VDAC1: variants seen among roughly 807,000 people sequenced by gnomAD.
VDAC1 encodes the protein voltage dependent anion channel 1.
VDAC1 carries 10 observed loss-of-function variants against 34.7 expected under a neutral mutation model. That is an observed-to-expected ratio of 0.29 (90% CI 0.18 to 0.49). VDAC1 has a LOEUF of 0.49. Among genes scored for constraint, VDAC1 ranks in the 20% least tolerant of loss-of-function variants. VDAC1 has a pLI of 0.99. For missense variants in VDAC1, 230 were observed against 347.9 expected (o/e 0.66, Z 2.69); for synonymous variants, 130 against 136.0 (o/e 0.96, Z 0.30).
the VDAC1 span, among the ~76,000 whole-genome samples, chr5:134,027,135 AG>A: frequency 1.2e-4 from 19 of 152,332 alleles, no homozygotes; most frequent in East Asian, 3.7e-3. Flanking sequence ...CGCCCTATAA[AG>A]AAATGTCTAG....
chr5:134,046,884 A>G, the VDAC1 span, among the ~76,000 whole-genome samples: 4 of 152,168 alleles, frequency 2.6e-5, no homozygotes, highest in Non-Finnish European at 4.4e-5. Flanking sequence ...TCATCTGTAA[A>G]GTGGAGACAA....
the VDAC1 span, among the ~76,000 whole-genome samples, chr5:134,101,764 C>T: frequency 5.5e-3 from 838 of 152,342 alleles, 10 homozygotes; most frequent in African/African-American, 0.019. Flanking sequence ...CCATCCCTCA[C>T]TGGGGTCCTC....
intron 6 of VDAC1, among the ~76,000 whole-genome samples, chr5:133,979,424 C>CTTTATTTTTTTTTTTTTTTT: frequency 1.2e-5 from 1 of 80,992 alleles, no homozygotes; most frequent in Non-Finnish European, 2.1e-5. Context: ...ATTTTCTTTG[C>CTTTATTTTTTTTTTTTTTTT]TTTTTTTTTT....
At chr5:134,067,206 G>A in the VDAC1 span, among the ~76,000 whole-genome samples, 1 of 151,474 alleles carries the variant, frequency 6.6e-6, no homozygotes, top group Non-Finnish European at 1.5e-5. Context: ...CTCCCGAGGA[G>A]CTGGGATTAC....
chr5:133,988,624 C>T (rs776726504), intron 5 of VDAC1, among the ~76,000 whole-genome samples: 25 of 151,950 alleles, frequency 1.6e-4, no homozygotes, highest in Non-Finnish European at 3.5e-4. Flanking sequence ...ATTAGCCAGG[C>T]ATGGTGGCCC....
chr5:134,097,764 G>T, the VDAC1 span, among the ~76,000 whole-genome samples: 1 of 152,344 alleles, frequency 6.6e-6, no homozygotes, highest in Admixed American at 6.5e-5. Context: ...GGAGCCAGAC[G>T]TCTAATTTTG....
In VDAC1 at chr5:133,973,773, C is replaced by A; in HGVS notation, c.760+18G>T. ...TTTTTAAGATAAAGAACCGATTTCA[C>A]ACACAAGCAACACATACCTGGCTTT... On this transcript the variant is annotated intron_variant, in intron 8 of 8. Coordinates refer to ENST00000265333, the MANE Select transcript of VDAC1 (RefSeq NM_003374.3). The A allele has an allele frequency of 6.2e-7, 1 of 1,605,100 alleles. No individual in the cohort carries two copies. Among genetic ancestry groups the A allele is most frequent in the Non-Finnish European group, 8.5e-7 (1 of 1,178,306 alleles).
At chr5:134,045,804 C>G in the VDAC1 span, among the ~76,000 whole-genome samples, 1 of 151,758 alleles carries the variant, frequency 6.6e-6, no homozygotes, top group South Asian at 2.1e-4. Context: ...CCTGCCTCAG[C>G]CTCCCGAGTA....
At chr5:134,004,521 C>T (rs3733936) in intron 1 of VDAC1, 13,237 of 153,316 alleles carry the variant, frequency 0.086, 810 homozygotes, top group South Asian at 0.21. Flanking sequence ...GCGATCCCTC[C>T]CCGCGGCCGG....
the VDAC1 span, among the ~76,000 whole-genome samples, chr5:134,028,705 A>G: frequency 6.6e-6 from 1 of 152,148 alleles, no homozygotes; most frequent in Non-Finnish European, 1.5e-5. Flanking sequence ...CACAGTGGGA[A>G]GGGACCTTGC....
the VDAC1 span, among the ~76,000 whole-genome samples, chr5:134,076,287 C>T: frequency 6.6e-6 from 1 of 152,166 alleles, no homozygotes; most frequent in Non-Finnish European, 1.5e-5. Context: ...CCCTCTCTCA[C>T]CTTGATAACT....
At chr5:133,994,288 G>C (rs1753212357) in intron 1 of VDAC1, among the ~76,000 whole-genome samples, 1 of 152,200 alleles carries the variant, frequency 6.6e-6, no homozygotes, top group Non-Finnish European at 1.5e-5. Context: ...ATTTTAAATT[G>C]TGAAGTTGTG....
the VDAC1 span, among the ~76,000 whole-genome samples, chr5:134,033,118 T>C: frequency 6.7e-6 from 1 of 150,262 alleles, no homozygotes; most frequent in Non-Finnish European, 1.5e-5. Flanking sequence ...AAAATATACA[T>C]GTATATGCTC....
chr5:134,051,053 G>A, the VDAC1 span, among the ~76,000 whole-genome samples: 10 of 152,314 alleles, frequency 6.6e-5, no homozygotes, highest in South Asian at 1.4e-3. Context: ...CACCTGGCCC[G>A]GGGAACCAGT....
chr5:134,103,141 A>G, the VDAC1 span, among the ~76,000 whole-genome samples: 2 of 151,990 alleles, frequency 1.3e-5, no homozygotes. Flanking sequence ...TATTTATTTG[A>G]GACAGGGTCT....
At chr5:134,012,135 T>C in the VDAC1 span, among the ~76,000 whole-genome samples, 5 of 152,082 alleles carry the variant, frequency 3.3e-5, no homozygotes, top group East Asian at 3.9e-4. Context: ...GAAGGAGCCA[T>C]GAGCCAAGGA....
chr5:133,973,210 G>A (rs920880021), intron 8 of VDAC1, among the ~76,000 whole-genome samples: 7 of 152,124 alleles, frequency 4.6e-5, no homozygotes, highest in Non-Finnish European at 1.0e-4. Context: ...CCTCAATCCT[G>A]AATCCAACCT....
At chr5:134,096,815 A>G in the VDAC1 span, among the ~76,000 whole-genome samples, 4 of 151,186 alleles carry the variant, frequency 2.6e-5, no homozygotes, top group Admixed American at 2.6e-4. Context: ...CTGGTTTTGA[A>G]CTCCTGAGTT....
intron 1 of VDAC1, among the ~76,000 whole-genome samples, chr5:134,000,456 G>GCAGCCAGTACACTAT (rs1231441447): frequency 6.6e-6 from 1 of 152,176 alleles, no homozygotes; most frequent in African/African-American, 2.4e-5. Context: ...GCCTGCGCTG[G>GCAGCCAGTACACTAT]CAGCCAGTAC....
Sources: gnomAD v4.1 joint callset for allele counts (sites outside exome capture counted in the v4.1 genomes callset) on GRCh38, gnomAD v4.1.1 for gene constraint, MANE v1.5 for transcripts, NCBI Gene and HGNC (gene_info 2026-07-23, HGNC 2026-07-21) for gene names.